USH2A: variants seen among roughly 807,000 people sequenced by gnomAD.
USH2A encodes usherin, also known as Usher syndrome 2A (autosomal recessive, mild).
Under a neutral mutation model 538.9 loss-of-function variants are expected in USH2A, and 443 were observed. The ratio of observed to expected loss-of-function variants is 0.82; its 90% CI spans 0.76 to 0.89. The LOEUF is 0.89. Ranked by LOEUF, USH2A falls within the 40% of genes least tolerant of loss-of-function variation. USH2A has a pLI of 0.00. For synonymous variants in USH2A, 2,413 were observed against 2,273.5 expected, an observed-to-expected ratio of 1.06 and a Z score of -1.75; for missense variants, 6,633 against 6,324.8, an observed-to-expected ratio of 1.05 and a Z score of -1.65.
chr1:216,125,363 C>A (rs1558271456), intron 21 of USH2A, among the ~76,000 whole-genome samples: 1 of 152,118 alleles, frequency 6.6e-6, no homozygotes, highest in Non-Finnish European at 1.5e-5. Context: ...CTTTTCCCTG[C>A]CTCTCGTGCT....
chr1:216,366,092 T>C (rs1347034778), intron 3 of USH2A, among the ~76,000 whole-genome samples: 3 of 152,190 alleles, frequency 2.0e-5, no homozygotes, highest in African/African-American at 7.2e-5. Context: ...AATAGTCTTT[T>C]TGTTCAAGTG....
intron 4 of USH2A, 97 bp from the exon 5 acceptor site, chr1:216,327,751 T>A: frequency 2.1e-6 from 3 of 1,455,430 alleles, no homozygotes; most frequent in South Asian, 2.3e-5. Flanking sequence ...ATGTTAAGGT[T>A]AAAAAGATAT....
chr1:216,003,721 G>A (rs1283737899), intron 32 of USH2A, among the ~76,000 whole-genome samples: 21 of 152,106 alleles, frequency 1.4e-4, no homozygotes. Context: ...TGCAGGCCTT[G>A]TAGGTCTTTG....
chr1:215,765,537 C>T (rs1046340248), intron 56 of USH2A, among the ~76,000 whole-genome samples: 3 of 152,022 alleles, frequency 2.0e-5, no homozygotes, highest in East Asian at 1.9e-4. Flanking sequence ...GCCTTGGTTT[C>T]CCCATATGAA....
intron 13 of USH2A, among the ~76,000 whole-genome samples, chr1:216,244,383 GC>G (rs1269539018): frequency 1.3e-5 from 2 of 152,056 alleles, no homozygotes; most frequent in African/African-American, 4.8e-5. Flanking sequence ...CAAATGATAA[GC>G]AAAATAAAAC....
At chr1:216,386,667 AAC>A in intron 3 of USH2A, among the ~76,000 whole-genome samples, 1 of 150,856 alleles carries the variant, frequency 6.6e-6, no homozygotes, top group Non-Finnish European at 1.5e-5. Context: ...CATCCTGGCT[AAC>A]ACAGTGAAAC....
At chr1:215,779,754 T>C in intron 55 of USH2A, 89 bp downstream of exon 55, 1 of 1,498,510 alleles carries the variant, frequency 6.7e-7, no homozygotes. Context: ...TGACCTCATA[T>C]ATCAAACACA....
intron 11 of USH2A, among the ~76,000 whole-genome samples, chr1:216,268,669 C>A (rs2036520171): frequency 6.6e-6 from 1 of 152,128 alleles, no homozygotes; most frequent in Non-Finnish European, 1.5e-5. Flanking sequence ...ACTCTTTCTT[C>A]TGCTCACTTC....
At chr1:216,172,622 T>A (rs916990332) in intron 21 of USH2A, among the ~76,000 whole-genome samples, 2 of 152,160 alleles carry the variant, frequency 1.3e-5, no homozygotes, top group African/African-American at 4.8e-5. Context: ...CCATTTCACA[T>A]AATGTTATTT....
chr1:215,653,129 T>C (rs1657133429), intron 64 of USH2A, among the ~76,000 whole-genome samples: 1 of 152,216 alleles, frequency 6.6e-6, no homozygotes, highest in Non-Finnish European at 1.5e-5. Flanking sequence ...ATAAATACTA[T>C]TAAGGCTTTT....
chr1:215,716,369 T>TCCCCATTC (rs1405051799), intron 61 of USH2A, among the ~76,000 whole-genome samples: 1 of 152,204 alleles, frequency 6.6e-6, no homozygotes, highest in Non-Finnish European at 1.5e-5. Context: ...AGTCCACTTA[T>TCCCCATTC]AGAAACCAAC....
At chr1:215,706,785 T>G (rs1031372411) in intron 61 of USH2A, among the ~76,000 whole-genome samples, 2 of 152,214 alleles carry the variant, frequency 1.3e-5, no homozygotes, top group Non-Finnish European at 2.9e-5. Context: ...TTATGTCAGG[T>G]TCAGCATTGA....
rs761866738 is a variant in USH2A, at chr1:215,799,176, A to G, written c.9740-51T>C. On this transcript the variant is annotated intron_variant, in intron 49 of 71. Transcript: ENST00000307340. Reference sequence around the variant, plus strand: ...ATTACATCAGTTAAAAAAATATGCTATGACTAACAATTAACTTTTATCACA... The same window carrying G: ...ATTACATCAGTTAAAAAAATATGCTGTGACTAACAATTAACTTTTATCACA... 6 of 1,519,584 alleles carry G rather than the reference A, an allele frequency of 3.9e-6. No individual in the cohort carries two copies. In the East Asian group the frequency reaches 9.4e-5, roughly 24 times the overall value. The allele number at this position is 1,519,584 out of a possible 1,614,324, so 94.1% of individuals were successfully genotyped here.
chr1:215,976,520 A>G (rs368433591), intron 35 of USH2A, among the ~76,000 whole-genome samples: 113 of 152,258 alleles, frequency 7.4e-4, no homozygotes, highest in African/African-American at 2.6e-3. Flanking sequence ...TTTATCATGA[A>G]GGTATATTGG....
rs373951570 is a variant in USH2A at position 216,114,810 on chromosome 1, C to T, written c.4628-17597G>A. Among the ~76,000 whole-genome samples the T allele has an allele frequency of 8.5e-5, 13 of 152,214 alleles. 1 individual carries two copies. The highest frequency in any genetic ancestry group is 2.1e-4 in the South Asian group (1 of 4,818). ...GATGCCATAAAAGAACAACTCAGGG[C>T]TTCCCTTGAATAGCTTTTTAAACTT... On this transcript the variant is annotated intron_variant, in intron 21 of 71. Coordinates refer to ENST00000307340, the MANE Select transcript of USH2A (RefSeq NM_206933.4).
intron 40 of USH2A, among the ~76,000 whole-genome samples, chr1:215,890,991 A>G (rs1665195401): frequency 6.6e-6 from 1 of 152,184 alleles, no homozygotes; most frequent in South Asian, 2.1e-4. Context: ...TTGCATAATT[A>G]TTCCTCATAT....
chr1:215,695,620 GA>G (rs1487797151), intron 61 of USH2A, among the ~76,000 whole-genome samples: 1 of 152,210 alleles, frequency 6.6e-6, no homozygotes, highest in African/African-American at 2.4e-5. Context: ...GTAAGGAAGA[GA>G]AAAGGCAAGT....
intron 16 of USH2A, among the ~76,000 whole-genome samples, chr1:216,201,011 C>CTT (rs2034984072): frequency 5.1e-5 from 2 of 39,036 alleles, no homozygotes; most frequent in African/African-American, 8.1e-5. Context: ...CTCCCTCCCT[C>CTT]CCTTCCTTCC....
chr1:216,072,609 G>A (rs2031593119), intron 29 of USH2A: 1 of 461,890 alleles, frequency 2.2e-6, no homozygotes, highest in African/African-American at 2.0e-5. Flanking sequence ...AGGTAGGTGG[G>A]ACTATTACAT....
Sources: gnomAD v4.1 joint callset for allele counts (sites outside exome capture counted in the v4.1 genomes callset) on GRCh38, gnomAD v4.1.1 for gene constraint, MANE v1.5 for transcripts, NCBI Gene and HGNC (gene_info 2026-07-23, HGNC 2026-07-21) for gene names.